Variants in MMP12 observed in about 807,000 individuals in gnomAD.
MMP12 encodes the protein matrix metallopeptidase 12.
Under a neutral mutation model 45.2 loss-of-function variants are expected in MMP12, and 51 were observed. The observed-to-expected ratio is 1.13, with a 90% CI of 0.90 to 1.42. The LOEUF (loss-of-function observed/expected upper bound fraction) is 1.42, where lower values mean the gene tolerates loss of function less well. Among genes scored for constraint, MMP12 ranks in the 40% most tolerant of loss-of-function variants. The pLI is 0.00. For synonymous variants in MMP12, 210 were observed against 193.3 expected (o/e 1.09, Z -0.72); for missense variants, 530 against 570.8 (o/e 0.93, Z 0.73).
intron 1 of MMP12, among the ~76,000 whole-genome samples, chr11:102,873,933 T>C (rs2134425460): frequency 6.8e-6 from 1 of 147,692 alleles, no homozygotes; most frequent in East Asian, 2.0e-4. Flanking sequence ...GGAAGATGAG[T>C]CAGTAGGATC....
At position 102,868,026 on chromosome 11, in the gene MMP12, G is replaced by C; in HGVS notation, c.669C>G (p.Ser223=). 6.2e-7 allele frequency: 1 copy of C among 1,604,372 alleles called. No homozygotes were observed. Among genetic ancestry groups the C allele is most frequent in the South Asian group, 1.1e-5 (1 of 88,704 alleles). Residue 223 remains serine, a synonymous_variant, in exon 5 of 10, where the codon TCC becomes TCG. Coordinates refer to ENST00000571244, the MANE Select transcript of MMP12 (RefSeq NM_002426.6). ...GATCACTAGAATGGCCAAGACCTAAGGAATGGCCAATCTCGTGAACAGCAG... is the reference window on the plus strand; with the variant it reads ...GATCACTAGAATGGCCAAGACCTAACGAATGGCCAATCTCGTGAACAGCAG... ...FLTAVHEIGH[S]LGLGHSSDPK...
Position 102,872,061 on chromosome 11 carries a change from T to C in MMP12, c.351-109A>G, listed in dbSNP as rs28360366. On this transcript the variant is annotated intron_variant, in intron 2 of 9. Coordinates refer to ENST00000571244, the MANE Select transcript of MMP12 (RefSeq NM_002426.6). ...ATTGGAAAATGGATCATTTCATAAATCAAGAGTCCAGATTTTAAAACTTGC... is the reference window on the plus strand; with the variant it reads ...ATTGGAAAATGGATCATTTCATAAACCAAGAGTCCAGATTTTAAAACTTGC... 2.9e-4 allele frequency: 361 copies of C among 1,226,450 alleles called. No individual in the cohort carries two copies. In the African/African-American group the frequency reaches 5.0e-3, roughly 17 times the overall value. The allele number at this position is 1,226,450 out of a possible 1,614,324, so 76.0% of individuals were successfully genotyped here. A position where few individuals can be genotyped will look rare whatever the true frequency, so the allele number is the denominator to read the frequency against.
At chr11:102,863,609 C>T (rs1421641299) in intron 9 of MMP12, among the ~76,000 whole-genome samples, 4 of 152,172 alleles carry the variant, frequency 2.6e-5, no homozygotes, top group African/African-American at 9.6e-5. Flanking sequence ...GGAAACAACA[C>T]TGGGGAGGGG....
chr11:102,866,218 C>T, intron 7 of MMP12, 97 bp downstream of exon 7: 9 of 1,236,890 alleles, frequency 7.3e-6, no homozygotes, highest in Non-Finnish European at 9.9e-6. Flanking sequence ...ATCAAGAGTG[C>T]TTTCTTGGTC....
At position 102,868,052 on chromosome 11, in the gene MMP12, T is replaced by A. The variant is rs782189755; in HGVS notation, c.643A>T (p.Thr215Ser). ...THSGGTNLFL[T>S]AVHEIGHSLG... Reference sequence around the variant, plus strand: ...GAATGGCCAATCTCGTGAACAGCAGTGAGGAACAAGTTTGTGCCTAAGAAG... The same window carrying A: ...GAATGGCCAATCTCGTGAACAGCAGAGAGGAACAAGTTTGTGCCTAAGAAG... The change falls in exon 5 of 10, where the codon ACT becomes TCT. Residue 215 changes from threonine to serine, a missense_variant. Physicochemically the swap from Thr to Ser is moderately conservative, Grantham distance 58. Transcript: ENST00000571244. 1.3e-6 allele frequency: 2 copies of A among 1,598,096 alleles called. No individual in the cohort carries two copies. Among genetic ancestry groups the A allele is most frequent in the African/African-American group, 2.7e-5 (2 of 74,668 alleles).
chr11:102,866,065 A>C, intron 7 of MMP12, 130 bp from the exon 8 acceptor site: 1 of 884,634 alleles, frequency 1.1e-6, no homozygotes, highest in South Asian at 2.1e-5. Flanking sequence ...TCTTAAACAT[A>C]GTCTCTTTTC....
chr11:102,863,250 T>C (rs782585999), intron 9 of MMP12, 50 bp from the exon 10 acceptor site: 34 of 984,484 alleles, frequency 3.5e-5, no homozygotes, highest in Non-Finnish European at 3.2e-6. Flanking sequence ...TGTATTTCTT[T>C]ACAACAACAA....
At chr11:102,873,183 T>C in intron 1 of MMP12, 71 bp from the exon 2 acceptor site, 6 of 1,342,882 alleles carry the variant, frequency 4.5e-6, no homozygotes, top group Non-Finnish European at 6.2e-6. Flanking sequence ...TCCACATATA[T>C]GACTCAATTG....
At chr11:102,868,740 G>T (rs1859441590) in intron 4 of MMP12, among the ~76,000 whole-genome samples, 1 of 152,064 alleles carries the variant, frequency 6.6e-6, no homozygotes, top group Admixed American at 6.6e-5. Context: ...CTTGAGCCAA[G>T]ATTAATGTTT....
chr11:102,863,985 C>G (rs1476431171), intron 9 of MMP12, among the ~76,000 whole-genome samples, 161 bp downstream of exon 9: 2 of 152,218 alleles, frequency 1.3e-5, no homozygotes, highest in East Asian at 3.8e-4. Flanking sequence ...TTCTAACTCT[C>G]CTATTCAGAG....
rs1555009892 is a variant in MMP12 at position 102,874,921 on chromosome 11, A to G, written c.17T>C (p.Ile6Thr). The G allele has an allele frequency of 1.9e-6, 3 of 1,596,918 alleles. No homozygotes were observed. Among genetic ancestry groups the G allele is most frequent in the Non-Finnish European group, 2.6e-6 (3 of 1,170,754 alleles). Residue 6 changes from isoleucine (I) to threonine (T), a missense_variant, in exon 1 of 10, where the codon ATA (isoleucine) becomes ACA (threonine). By Grantham distance (89) the Ile-to-Thr change is moderately conservative. Transcript: ENST00000571244. ...AGAAGCAGTGGCCTGCAGGAGCAGT[A>G]TTAGAAGAAACTTCATTGTAAACTT... MKFLLILLLQATASGA... is the reference protein window; with the variant it reads MKFLLTLLLQATASGA...
chr11:102,863,026 G>A lies in MMP12; in HGVS notation c.*74C>T, dbSNP rs1281972589. 8 of 898,150 alleles carry A rather than the reference G, an allele frequency of 8.9e-6. No homozygotes were observed. In the African/African-American group the frequency reaches 1.2e-4, roughly 13 times the overall value. 55.6% of individuals were successfully genotyped at this position (898,150 alleles called of 1,614,324 possible). A position where few individuals can be genotyped will look rare whatever the true frequency, so the allele number is the denominator to read the frequency against. ...ACATATCTCTAAGTAGTGGTACACTGAGGACATAGCAAATATGCAATAAAT... is the reference window on the plus strand; with the variant it reads ...ACATATCTCTAAGTAGTGGTACACTAAGGACATAGCAAATATGCAATAAAT... On this transcript the variant is annotated 3_prime_UTR_variant, in exon 10 of 10. Transcript: ENST00000571244.
In MMP12 at chr11:102,871,882, A is replaced by G. The variant is rs782474198; in HGVS notation, c.421T>C (p.Trp141Arg). The change falls in exon 3 of 10, where the codon TGG becomes CGG. Residue 141 changes from tryptophan (W) to arginine (R), a missense_variant. Coordinates refer to ENST00000571244, the MANE Select transcript of MMP12 (RefSeq NM_002426.6). ...AATTTCAAGGGGGTAACATTACTCCATACTTGGAAAGCTTTCCGGATTGCG... is the reference window on the plus strand; with the variant it reads ...AATTTCAAGGGGGTAACATTACTCCGTACTTGGAAAGCTTTCCGGATTGCG... ...DYAIRKAFQVWSNVTPLKFSK... is the reference protein window; with the variant it reads ...DYAIRKAFQVRSNVTPLKFSK... 2 of 1,613,884 alleles carry G rather than the reference A, an allele frequency of 1.2e-6. No individual in the cohort carries two copies. The highest frequency in any genetic ancestry group is 1.7e-6 in the Non-Finnish European group (2 of 1,179,818).
At chr11:102,867,450 A>G in intron 5 of MMP12, 57 bp from the exon 6 acceptor site, 1 of 1,491,160 alleles carries the variant, frequency 6.7e-7, no homozygotes, top group Non-Finnish European at 9.0e-7. Context: ...AGTTCAGAGG[A>G]GGAACAGTTA....
At chr11:102,874,262 T>C (rs1463257153) in intron 1 of MMP12, among the ~76,000 whole-genome samples, 1 of 151,902 alleles carries the variant, frequency 6.6e-6, no homozygotes, top group African/African-American at 2.4e-5. Context: ...GCTATAAAGA[T>C]GGGGCCTGGC....
Position 102,872,192 on chromosome 11 carries a change from T to C in MMP12, c.351-240A>G, listed in dbSNP as rs543455472. On this transcript the variant is annotated intron_variant, in intron 2 of 9. Coordinates refer to ENST00000571244, the MANE Select transcript of MMP12 (RefSeq NM_002426.6). Reference sequence around the variant, plus strand: ...TCACAGATCATCACTGTGAAGGATTTGCTTTCATAGAAGGTTATGCTTTTT... The same window carrying C: ...TCACAGATCATCACTGTGAAGGATTCGCTTTCATAGAAGGTTATGCTTTTT... Among the ~76,000 whole-genome samples, 14 of 152,370 alleles carry C rather than the reference T, an allele frequency of 9.2e-5. No homozygotes were observed. In the South Asian group the frequency reaches 2.5e-3, roughly 27 times the overall value.
chr11:102,863,164 T>A lies in MMP12; in HGVS notation c.1349A>T (p.Glu450Val). ...GATACGTTGGAGTAGGAAGTCATAT[T>A]CAAATTGGTTAGATCCTTGGAAGAA... Reference protein sequence around the residue: ...YYFFQGSNQFEYDFLLQRITK... With the variant: ...YYFFQGSNQFVYDFLLQRITK... The change falls in exon 10 of 10, where the codon GAA (glutamate) becomes GTA (valine). Residue 450 changes from glutamate (E) to valine (V), a missense_variant. Physicochemically the swap from Glu to Val is moderately radical, Grantham distance 121. Transcript: ENST00000571244. 6.2e-7 allele frequency: 1 copy of A among 1,610,828 alleles called. No individual in the cohort carries two copies. Among genetic ancestry groups the A allele is most frequent in the Non-Finnish European group, 8.5e-7 (1 of 1,178,012 alleles).
Position 102,865,957 on chromosome 11 carries a change from G to A in MMP12, c.1046-22C>T. 1 of 1,572,554 alleles carries A rather than the reference G, an allele frequency of 6.4e-7. No individual in the cohort carries two copies. Among genetic ancestry groups the A allele is most frequent in the Non-Finnish European group, 8.7e-7 (1 of 1,151,976 alleles). On this transcript the variant is annotated intron_variant, in intron 7 of 9. Transcript: ENST00000571244. The surrounding 1 kb of genome is among the most constrained non-coding windows in gnomAD (Gnocchi z 4.1). ...TCATCTGTGAAGACAAAGAAATAGG[G>A]TAAATTTGAATTATACAGGAAGAGT...
intron 4 of MMP12, 139 bp from the exon 5 acceptor site, chr11:102,868,208 C>T (rs1473041754): frequency 1.4e-6 from 1 of 731,526 alleles, no homozygotes; most frequent in African/African-American, 1.8e-5. Context: ...GTTTCTCAAT[C>T]TCAGCACTTC....
Sources: gnomAD v4.1 joint callset for allele counts (sites outside exome capture counted in the v4.1 genomes callset) on GRCh38, gnomAD v4.1.1 for gene constraint, Gnocchi (gnomAD v3.1) non-coding constraint, MANE v1.5 for transcripts, NCBI Gene and HGNC (gene_info 2026-07-23, HGNC 2026-07-21) for gene names.